Variants in PIP5K1B observed in about 807,000 individuals in gnomAD.
PIP5K1B encodes phosphatidylinositol 4-phosphate 5-kinase type-1 beta.
A neutral mutation model predicts 67.0 loss-of-function variants in PIP5K1B; 42 were observed. The ratio of observed to expected loss-of-function variants is 0.63; its 90% CI spans 0.49 to 0.81. The LOEUF is 0.81. Among genes scored for constraint, PIP5K1B ranks in the 30% least tolerant of loss-of-function variants. The probability of loss-of-function intolerance (pLI) is 0.00; values close to 1 mark genes in which losing one functional copy is unlikely to be tolerated. For missense variants in PIP5K1B, 459 were observed against 646.3 expected (o/e 0.71, Z 3.14); for synonymous variants, 214 against 231.4 (o/e 0.92, Z 0.68).
At chr9:68,815,518 C>T (rs1271970945) in intron 2 of PIP5K1B, among the ~76,000 whole-genome samples, 1 of 151,710 alleles carries the variant, frequency 6.6e-6, no homozygotes, top group Non-Finnish European at 1.5e-5. Flanking sequence ...GTCAATAAGA[C>T]AATGTTATGT....
intron 14 of PIP5K1B, among the ~76,000 whole-genome samples, chr9:68,977,737 C>A (rs1478484748): frequency 6.6e-6 from 1 of 150,882 alleles, no homozygotes; most frequent in East Asian, 2.0e-4. Flanking sequence ...TCACTGGAAC[C>A]TCTGCCTCCC....
chr9:68,909,906 C>A (rs12686693), intron 8 of PIP5K1B, among the ~76,000 whole-genome samples: 11,626 of 152,184 alleles, frequency 0.076, 775 homozygotes, highest in East Asian at 0.37. Context: ...CTAGACTGCA[C>A]AAAGGAATTT....
intron 2 of PIP5K1B, among the ~76,000 whole-genome samples, chr9:68,767,593 TAA>T (rs36028796): frequency 0.18 from 23,088 of 128,098 alleles, 1,944 homozygotes; most frequent in East Asian, 0.2. Flanking sequence ...GACTCTGTCT[TAA>T]AAAAAAAAAA....
intron 8 of PIP5K1B, among the ~76,000 whole-genome samples, chr9:68,903,672 T>C (rs543344610): frequency 6.6e-6 from 1 of 152,282 alleles, no homozygotes; most frequent in African/African-American, 2.4e-5. Flanking sequence ...CAATAATCCA[T>C]GCAAGATAGT....
intron 2 of PIP5K1B, among the ~76,000 whole-genome samples, chr9:68,773,661 G>A (rs1057080145): frequency 2.6e-5 from 4 of 152,260 alleles, no homozygotes; most frequent in Admixed American, 6.5e-5. Flanking sequence ...ATATGTCTCC[G>A]TGCAATGGTG....
intron 14 of PIP5K1B, among the ~76,000 whole-genome samples, chr9:68,957,122 C>CT (rs1828439274): frequency 2.0e-5 from 3 of 152,126 alleles, no homozygotes; most frequent in Admixed American, 6.5e-5. Flanking sequence ...TGCCATGCTT[C>CT]ACTCTGGTTT....
intron 8 of PIP5K1B, among the ~76,000 whole-genome samples, chr9:68,897,098 A>T (rs1410209227): frequency 1.3e-5 from 2 of 152,174 alleles, no homozygotes; most frequent in Non-Finnish European, 2.9e-5. Flanking sequence ...GTGCTGGCTG[A>T]GGGGCTGCAG....
chr9:68,710,470 G>T (rs1470474504), intron 1 of PIP5K1B, among the ~76,000 whole-genome samples: 1 of 152,138 alleles, frequency 6.6e-6, no homozygotes, highest in Non-Finnish European at 1.5e-5. Flanking sequence ...ACAGAGAATT[G>T]TATTCAGTCA....
intron 8 of PIP5K1B, among the ~76,000 whole-genome samples, chr9:68,905,774 G>A (rs1825579029): frequency 6.6e-6 from 1 of 152,066 alleles, no homozygotes; most frequent in Non-Finnish European, 1.5e-5. Context: ...ATGGAGTACC[G>A]ATGGTGCTGT....
chr9:68,796,397 A>G (rs1039493647), intron 2 of PIP5K1B, among the ~76,000 whole-genome samples: 3 of 152,232 alleles, frequency 2.0e-5, no homozygotes, highest in African/African-American at 7.2e-5. Context: ...ACTTGCCAAT[A>G]TAAAATACCT....
At chr9:68,819,676 A>T (rs1185976509) in intron 3 of PIP5K1B, among the ~76,000 whole-genome samples, 1 of 152,220 alleles carries the variant, frequency 6.6e-6, no homozygotes, top group Non-Finnish European at 1.5e-5. Flanking sequence ...CTAAGAAGAA[A>T]CAGTAGTCAT....
chr9:68,917,785 C>G lies in PIP5K1B; in HGVS notation c.983+26C>G, dbSNP rs1225254140. The G allele has an allele frequency of 1.9e-6, 3 of 1,549,372 alleles. No individual in the cohort carries two copies. In the South Asian group the frequency reaches 3.3e-5, roughly 17 times the overall value. On this transcript the variant is annotated intron_variant, in intron 9 of 15. Coordinates refer to ENST00000265382, the MANE Select transcript of PIP5K1B (RefSeq NM_003558.4). ...GTAAGTGCAGCCACACACCTACCCA[C>G]CCTCTTGACTGTGGCAGCCCACGTC...
At chr9:68,743,753 T>C (rs1311690402) in intron 2 of PIP5K1B, among the ~76,000 whole-genome samples, 1 of 152,172 alleles carries the variant, frequency 6.6e-6, no homozygotes, top group Admixed American at 6.5e-5. Context: ...CTGCCCTGCA[T>C]GTTAAGATTT....
In PIP5K1B at chr9:68,882,344, C is replaced by G. The variant is rs138680722; in HGVS notation, c.318+5550C>G. ...TAATGGTGATACTCCTGTTCAGTATCATAATCACAGTTTATTGCACATTGA... is the reference window on the plus strand; with the variant it reads ...TAATGGTGATACTCCTGTTCAGTATGATAATCACAGTTTATTGCACATTGA... On this transcript the variant is annotated intron_variant, in intron 6 of 15. Coordinates refer to ENST00000265382, the MANE Select transcript of PIP5K1B (RefSeq NM_003558.4). Among the ~76,000 whole-genome samples, 22 of 152,348 alleles carry G rather than the reference C, an allele frequency of 1.4e-4. No individual in the cohort carries two copies. The East Asian group carries it at 4.0e-3, about 28-fold the overall frequency.
intron 1 of PIP5K1B, among the ~76,000 whole-genome samples, chr9:68,713,941 G>C (rs566232139): frequency 6.6e-6 from 1 of 152,304 alleles, no homozygotes; most frequent in East Asian, 1.9e-4. Context: ...ACCTAGTCAG[G>C]TTAGTAGTAA....
At chr9:68,716,582 A>G (rs1827644903) in intron 1 of PIP5K1B, among the ~76,000 whole-genome samples, 2 of 152,162 alleles carry the variant, frequency 1.3e-5, no homozygotes, top group African/African-American at 4.8e-5. Context: ...TCAAAAAATA[A>G]CATAGGCTGG....
chr9:68,780,057 C>T, intron 2 of PIP5K1B: 1 of 1,402,656 alleles, frequency 7.1e-7, no homozygotes. Context: ...AGGGGCCAGC[C>T]CGCTGACAGA....
intron 2 of PIP5K1B, among the ~76,000 whole-genome samples, chr9:68,796,508 GA>G (rs1382127358): frequency 6.6e-5 from 10 of 152,168 alleles, no homozygotes; most frequent in African/African-American, 2.4e-4. Flanking sequence ...GAAAAAAGAA[GA>G]AAAGTGTAGT....
At chr9:68,796,275 C>G (rs1451498185) in intron 2 of PIP5K1B, among the ~76,000 whole-genome samples, 1 of 151,526 alleles carries the variant, frequency 6.6e-6, no homozygotes. Context: ...GGATGTACCA[C>G]AGTTAATCCA....
Sources: gnomAD v4.1 joint callset for allele counts (sites outside exome capture counted in the v4.1 genomes callset) on GRCh38, gnomAD v4.1.1 for gene constraint, MANE v1.5 for transcripts, NCBI Gene and HGNC (gene_info 2026-07-23, HGNC 2026-07-21) for gene names.